Variants in STX2 observed in about 807,000 individuals in gnomAD.
The protein encoded by STX2 is syntaxin-2.
In STX2, 27 loss-of-function variants were observed where a neutral mutation model predicts 40.6. The ratio of observed to expected loss-of-function variants is 0.66; its 90% CI spans 0.49 to 0.92. The LOEUF (loss-of-function observed/expected upper bound fraction) is 0.92, where lower values mean the gene tolerates loss of function less well. Ranked by LOEUF, STX2 falls within the 40% of genes least tolerant of loss-of-function variation. The probability of loss-of-function intolerance (pLI) is 0.00; values close to 1 mark genes in which losing one functional copy is unlikely to be tolerated. For synonymous variants in STX2, 123 were observed against 119.1 expected (o/e 1.03, Z -0.22); for missense variants, 328 against 366.1 (o/e 0.90, Z 0.85).
intron 1 of STX2, among the ~76,000 whole-genome samples, chr12:130,833,567 C>T (rs908458740): frequency 2.6e-5 from 4 of 152,058 alleles, no homozygotes; most frequent in Admixed American, 6.6e-5. Flanking sequence ...CCTACCACCA[C>T]CCCCAATTAA....
chr12:130,821,295 C>T (rs529374389), intron 3 of STX2, among the ~76,000 whole-genome samples: 1 of 152,338 alleles, frequency 6.6e-6, no homozygotes, highest in Non-Finnish European at 1.5e-5. Flanking sequence ...CGCCTCAGTG[C>T]GTCTTCCTAT....
intron 3 of STX2, among the ~76,000 whole-genome samples, chr12:130,816,800 C>A (rs547946142): frequency 6.1e-4 from 93 of 152,328 alleles, no homozygotes; most frequent in African/African-American, 2.0e-3. Flanking sequence ...TACCTGGGGG[C>A]ATGTGCCAAC....
chr12:130,826,369 C>G lies in STX2; in HGVS notation c.105+824G>C, dbSNP rs1031431066. 3.3e-5 allele frequency among the ~76,000 whole-genome samples: 5 copies of G among 152,308 alleles called. No homozygotes were observed. In the East Asian group the frequency reaches 7.7e-4, roughly 24 times the overall value. On this transcript the variant is annotated intron_variant, in intron 2 of 10. Transcript: ENST00000392373. ...TGCAGGAAGGCCTTTGTAAAACTCT[C>G]TTAAGGGGCGCCGCAGGACCTCCAA...
chr12:130,796,204 AACG>A (rs1169045237), intron 9 of STX2, 84 bp from the exon 10 acceptor site: 8 of 1,556,104 alleles, frequency 5.1e-6, no homozygotes, highest in Admixed American at 3.5e-5. Context: ...TTTAAAATAA[AACG>A]ACCTGGCCAG....
At chr12:130,813,056 TA>T in intron 3 of STX2, 25 bp from the exon 4 acceptor site, 1 of 1,351,540 alleles carries the variant, frequency 7.4e-7, no homozygotes, top group East Asian at 2.6e-5. Context: ...AATTAAAAAA[TA>T]AAATACAGCA....
In STX2 at chr12:130,822,152, C is replaced by T. The variant is rs185318404; in HGVS notation, c.106-364G>A. On this transcript the variant is annotated intron_variant, in intron 2 of 10. Transcript: ENST00000392373. ...CATAAAACATGCAGGCACAGTGGCT[C>T]ACACCTGTAATCCCAGCACTGTGGG... 2.0e-5 allele frequency among the ~76,000 whole-genome samples: 3 copies of T among 152,300 alleles called. No homozygotes were observed. The East Asian group carries it at 5.8e-4, about 29-fold the overall frequency.
At chr12:130,794,233 A>G (rs903052242) in intron 10 of STX2, among the ~76,000 whole-genome samples, 3 of 152,076 alleles carry the variant, frequency 2.0e-5, no homozygotes, top group Non-Finnish European at 4.4e-5. Flanking sequence ...AAAATCACGT[A>G]CAATATTTTC....
intron 6 of STX2, 151 bp from the exon 7 acceptor site, chr12:130,801,639 A>T: frequency 1.4e-6 from 1 of 701,278 alleles, no homozygotes; most frequent in Non-Finnish European, 2.1e-6. Context: ...TGACAATGAG[A>T]AGTGAACCTA....
intron 10 of STX2, among the ~76,000 whole-genome samples, chr12:130,794,559 G>T (rs553234270): frequency 6.6e-6 from 1 of 152,162 alleles, no homozygotes; most frequent in Non-Finnish European, 1.5e-5. Context: ...GCCGTGGTGC[G>T]ATCTAGACTC....
Position 130,827,177 on chromosome 12 carries a change from C to T in STX2, c.105+16G>A. Reference sequence around the variant, plus strand: ...AGGTAGGCAGGCTATGATTGGGTTTCATTAAACGCTCTTACCTGATGGAAG... The same window carrying T: ...AGGTAGGCAGGCTATGATTGGGTTTTATTAAACGCTCTTACCTGATGGAAG... On this transcript the variant is annotated intron_variant, in intron 2 of 10. Transcript: ENST00000392373. 6.2e-7 allele frequency: 1 copy of T among 1,609,720 alleles called. No individual in the cohort carries two copies.
In STX2 at chr12:130,790,939, G is replaced by A. The variant is rs13155; in HGVS notation, c.*1084C>T. ...CTTGAGGGCTTTGAGGGGCTTTGCA[G>A]CCAATGTTTTCCGTGACAATGGGAA... On this transcript the variant is annotated 3_prime_UTR_variant, in exon 11 of 11. Coordinates refer to ENST00000392373, the MANE Select transcript of STX2 (RefSeq NM_194356.4). 94,063 of 152,338 alleles carry A rather than the reference G, an allele frequency of 0.62. 29,912 individuals carry two copies. The highest frequency in any genetic ancestry group is 0.88 in the East Asian group (4,565 of 5,168). The allele number at this position is 152,338 out of a possible 1,614,324, so 9.4% of individuals were successfully genotyped here.
At position 130,791,600 on chromosome 12, in the gene STX2, G is replaced by T; in HGVS notation, c.*423C>A. 4.4e-6 allele frequency: 1 copy of T among 226,056 alleles called. No homozygotes were observed. The highest frequency in any genetic ancestry group is 8.5e-6 in the Non-Finnish European group (1 of 117,290). The allele number at this position is 226,056 out of a possible 1,614,324, so 14.0% of individuals were successfully genotyped here. ...AACTTCATGCACATTTGTTAACACT[G>T]AAATATTTTTAATATTAAAATGTTC... On this transcript the variant is annotated 3_prime_UTR_variant, in exon 11 of 11. Coordinates refer to ENST00000392373, the MANE Select transcript of STX2 (RefSeq NM_194356.4).
chr12:130,823,599 G>A (rs1187773022), intron 2 of STX2, among the ~76,000 whole-genome samples: 1 of 152,196 alleles, frequency 6.6e-6, no homozygotes, highest in South Asian at 2.1e-4. Flanking sequence ...GGAAACCCAA[G>A]AACACAGGCC....
At position 130,798,550 on chromosome 12, in the gene STX2, A is replaced by G. The variant is rs374247841; in HGVS notation, c.761T>C (p.Ile254Thr). Residue 254 changes from isoleucine (I) to threonine (T), a missense_variant, in exon 9 of 11, where the codon ATC becomes ACC. By Grantham distance (89) the Ile-to-Thr change is moderately conservative. Coordinates refer to ENST00000392373, the MANE Select transcript of STX2 (RefSeq NM_194356.4). ...CCTTCTTGCCTTGCTCTGATATTTGATAGCTTTTTTTGTTTCTTCTTTAGC... is the reference window on the plus strand; with the variant it reads ...CCTTCTTGCCTTGCTCTGATATTTGGTAGCTTTTTTTGTTTCTTCTTTAGC... ...EHAKEETKKA[I>T]KYQSKARRKK... is the part of the protein sequence containing the mutation. 34 of 1,604,358 alleles carry G rather than the reference A, an allele frequency of 2.1e-5. No homozygotes were observed. Among genetic ancestry groups the G allele is most frequent in the Non-Finnish European group, 2.1e-5 (25 of 1,177,528 alleles).
chr12:130,802,118 C>T (rs1443009459), intron 6 of STX2, among the ~76,000 whole-genome samples: 2 of 152,202 alleles, frequency 1.3e-5, no homozygotes, highest in Admixed American at 6.5e-5. Context: ...GTCCGTCCCC[C>T]GATGCCTGAA....
intron 9 of STX2, among the ~76,000 whole-genome samples, chr12:130,796,745 G>C (rs1401067456): frequency 6.6e-6 from 1 of 152,168 alleles, no homozygotes; most frequent in East Asian, 1.9e-4. Context: ...GGGCCTGCTA[G>C]CTCAGTGACG....
At position 130,806,140 on chromosome 12, in the gene STX2, G is replaced by A. The variant is rs967899206; in HGVS notation, c.463+842C>T. On this transcript the variant is annotated intron_variant, in intron 6 of 10. Transcript: ENST00000392373. ...GAGTATCTAAAACATGAGGAGCCTC[G>A]CTGAGCTGTGGGACAAGGTCAAGCG... Among the ~76,000 whole-genome samples, 4 of 152,310 alleles carry A rather than the reference G, an allele frequency of 2.6e-5. No homozygotes were observed. The South Asian group carries it at 6.2e-4, about 24-fold the overall frequency.
intron 4 of STX2, 145 bp from the exon 5 acceptor site, chr12:130,808,849 C>G: frequency 1.4e-6 from 1 of 710,330 alleles, no homozygotes; most frequent in South Asian, 1.9e-5. Context: ...AAACAATCTA[C>G]TAAAAAGACA....
chr12:130,806,672 G>C (rs545757544), intron 6 of STX2, among the ~76,000 whole-genome samples: 2 of 152,132 alleles, frequency 1.3e-5, no homozygotes, highest in African/African-American at 4.8e-5. Context: ...AGATGCCCCC[G>C]AACCAGGGCA....
Sources: gnomAD v4.1 joint callset for allele counts (sites outside exome capture counted in the v4.1 genomes callset) on GRCh38, gnomAD v4.1.1 for gene constraint, MANE v1.5 for transcripts, NCBI Gene and HGNC (gene_info 2026-07-23, HGNC 2026-07-21) for gene names.